PMFBP1: variants seen among roughly 807,000 people sequenced by gnomAD.
The protein encoded by PMFBP1 is polyamine modulated factor 1 binding protein 1, also known as polyamine-modulated factor 1-binding protein 1.
PMFBP1 carries 131 observed loss-of-function variants against 137.8 expected under a neutral mutation model. The ratio of observed to expected loss-of-function variants is 0.95; its 90% CI spans 0.82 to 1.10. PMFBP1 has a LOEUF of 1.10. Among genes scored for constraint, PMFBP1 ranks in the 50% least tolerant of loss-of-function variants. The probability of loss-of-function intolerance (pLI) is 0.00; values close to 1 mark genes in which losing one functional copy is unlikely to be tolerated. For synonymous variants in PMFBP1, 490 were observed against 450.4 expected (o/e 1.09, Z -1.11); for missense variants, 1,199 against 1,175.4 (o/e 1.02, Z -0.29).
At chr16:72,136,669 C>A (rs745523291) in intron 8 of PMFBP1, 24 bp downstream of exon 8, 3 of 1,614,012 alleles carry the variant, frequency 1.9e-6, no homozygotes, top group African/African-American at 2.7e-5. Context: ...GGCTCCCCTG[C>A]CACAGCCTGC....
At chr16:72,137,630 G>C (rs1188563384) in intron 7 of PMFBP1, among the ~76,000 whole-genome samples, 1 of 152,160 alleles carries the variant, frequency 6.6e-6, no homozygotes, top group African/African-American at 2.4e-5. Context: ...AGGCAATGGG[G>C]AGAGCTGGAG....
At chr16:72,249,920 CAAAAAAAAA>C in the PMFBP1 span, among the ~76,000 whole-genome samples, 6 of 30,124 alleles carry the variant, frequency 2.0e-4, no homozygotes, top group African/African-American at 7.3e-4. Context: ...GACTCCATCG[CAAAAAAAAA>C]AAAAAAAAAA....
upstream of PMFBP1, among the ~76,000 whole-genome samples, chr16:72,180,311 G>T (rs1343329249): frequency 6.6e-6 from 1 of 152,190 alleles, no homozygotes; most frequent in African/African-American, 2.4e-5. Flanking sequence ...CACAGCTCTT[G>T]TAGATTGTAG....
upstream of PMFBP1, among the ~76,000 whole-genome samples, chr16:72,181,496 A>G (rs1287300272): frequency 6.6e-6 from 1 of 152,198 alleles, no homozygotes; most frequent in Non-Finnish European, 1.5e-5. Flanking sequence ...GTCAACTCAA[A>G]CATTGGGTCC....
chr16:72,219,288 G>A, the PMFBP1 span, among the ~76,000 whole-genome samples: 10 of 152,306 alleles, frequency 6.6e-5, no homozygotes, highest in Non-Finnish European at 1.0e-4. Flanking sequence ...GAAAGACAGT[G>A]CCCTGGCACT....
At chr16:72,168,368 C>T (rs552601172) in intron 2 of PMFBP1, among the ~76,000 whole-genome samples, 11 of 152,274 alleles carry the variant, frequency 7.2e-5, no homozygotes, top group African/African-American at 2.6e-4. Flanking sequence ...CCAGAAAAGC[C>T]AATGTTTCTG....
intron 5 of PMFBP1, among the ~76,000 whole-genome samples, chr16:72,143,087 T>C (rs1361203296): frequency 6.6e-6 from 1 of 152,260 alleles, no homozygotes; most frequent in African/African-American, 2.4e-5. Context: ...CATTGATGGA[T>C]AGATGCTAAT....
upstream of PMFBP1, among the ~76,000 whole-genome samples, chr16:72,180,969 G>A (rs1022776043): frequency 2.0e-5 from 3 of 152,106 alleles, no homozygotes; most frequent in African/African-American, 2.4e-5. Context: ...CGCCGGGAGC[G>A]GTAGCTCAGG....
At chr16:72,218,739 A>G in the PMFBP1 span, among the ~76,000 whole-genome samples, 1 of 152,228 alleles carries the variant, frequency 6.6e-6, no homozygotes, top group African/African-American at 2.4e-5. Flanking sequence ...CCTTATCCCT[A>G]TGCTCACTCG....
chr16:72,132,961 C>A lies in PMFBP1; in HGVS notation c.1234G>T (p.Glu412Ter). The A allele has an allele frequency of 6.2e-7, 1 of 1,614,180 alleles. No individual in the cohort carries two copies. Among genetic ancestry groups the A allele is most frequent in the Non-Finnish European group, 8.5e-7 (1 of 1,180,040 alleles). Residue 412 changes from glutamate to a stop codon, truncating the protein, a stop_gained, in exon 10 of 21, where the codon GAG (glutamate) becomes TAG (stop). Coordinates refer to ENST00000237353, the MANE Select transcript of PMFBP1 (RefSeq NM_031293.3). LOFTEE classifies it high-confidence loss of function. ...FLQEKDEMLQ[E>*]LEKKLTQVQN... ...ACCTGTGTCAGTTTCTTCTCCAGCT[C>A]TTGCAGCATCTCATCTTTCTCTTGG... is the stretch of plus-strand genomic sequence containing the variant.
chr16:72,147,687 A>G lies in PMFBP1; in HGVS notation c.636+2921T>C, dbSNP rs181261772. On this transcript the variant is annotated intron_variant, in intron 5 of 20. Transcript: ENST00000237353. ...TTAAACAAATTTACAAGAAAAAAAC[A>G]ACCCCATCAAAAAATGGGCAAAGGA... is the stretch of plus-strand genomic sequence containing the variant. Among the ~76,000 whole-genome samples the G allele has an allele frequency of 3.2e-3, 484 of 152,336 alleles. 3 individuals are homozygous for G. Among genetic ancestry groups the G allele is most frequent in the Non-Finnish European group, 5.5e-3 (373 of 68,026 alleles).
At chr16:72,121,105 C>T (rs1163644796) in intron 19 of PMFBP1, among the ~76,000 whole-genome samples, 1 of 152,200 alleles carries the variant, frequency 6.6e-6, no homozygotes, top group Non-Finnish European at 1.5e-5. Context: ...TTATCTGTTA[C>T]CTTGAGAATC....
rs1156446776 is a variant in PMFBP1 at position 72,167,303 on chromosome 16, T to A, written c.13-2387A>T. On this transcript the variant is annotated intron_variant, in intron 2 of 20. Transcript: ENST00000237353. ...CATTTAGTACCTGGACTTTTTTTTT[T>A]AACCACTTTACAGTTTAATTAGGTT... Among the ~76,000 whole-genome samples the A allele has an allele frequency of 9.2e-5, 14 of 152,132 alleles. No homozygotes were observed. The South Asian group carries it at 1.9e-3, about 20-fold the overall frequency.
chr16:72,125,918 A>C, intron 15 of PMFBP1, 50 bp downstream of exon 15: 1 of 1,590,554 alleles, frequency 6.3e-7, no homozygotes, highest in Non-Finnish European at 8.6e-7. Flanking sequence ...CGCTACCTTG[A>C]CGTTTCCTTG....
the PMFBP1 span, among the ~76,000 whole-genome samples, chr16:72,248,505 T>C: frequency 6.6e-6 from 1 of 152,140 alleles, no homozygotes; most frequent in Non-Finnish European, 1.5e-5. Flanking sequence ...ACAAAAGAAA[T>C]TAGGTAGTAT....
upstream of PMFBP1, among the ~76,000 whole-genome samples, chr16:72,177,043 C>T (rs530474862): frequency 6.6e-6 from 1 of 152,324 alleles, no homozygotes; most frequent in East Asian, 1.9e-4. Context: ...GAGAGAGGAA[C>T]ATTTCAGCCT....
At chr16:72,246,096 AGATTACAG>A in the PMFBP1 span, among the ~76,000 whole-genome samples, 5 of 152,184 alleles carry the variant, frequency 3.3e-5, no homozygotes, top group African/African-American at 1.2e-4. Flanking sequence ...GGGAGGGAGG[AGATTACAG>A]TTTGCCAGAT....
In PMFBP1 at chr16:72,150,611, A is replaced by T; in HGVS notation, c.633T>A (p.Gly211=). ...AATGGCCTGACTTAAGTCCTACCTG[A>T]CCCATGATCCCGCCGAGTTCCCCCT... ...MLQGELGGIM[G]QEPENKGDHS... The change falls in exon 5 of 21, where the codon GGT becomes GGA. Residue 211 remains glycine (G), a synonymous_variant. Transcript: ENST00000237353. 1.2e-6 allele frequency: 2 copies of T among 1,612,542 alleles called. No homozygotes were observed. Among genetic ancestry groups the T allele is most frequent in the Non-Finnish European group, 1.7e-6 (2 of 1,179,932 alleles).
At chr16:72,208,429 C>A in the PMFBP1 span, among the ~76,000 whole-genome samples, 1 of 152,230 alleles carries the variant, frequency 6.6e-6, no homozygotes, top group Non-Finnish European at 1.5e-5. Context: ...TTATGCTAAT[C>A]CATGTAGACA....
Sources: allele counts gnomAD v4.1 joint callset (sites outside exome capture counted in the v4.1 genomes callset), GRCh38; gene constraint gnomAD v4.1.1; transcripts MANE v1.5; gene names NCBI Gene and HGNC (gene_info 2026-07-23, HGNC 2026-07-21).